Variants in DAB2IP observed in about 807,000 individuals in gnomAD.
DAB2IP encodes the protein disabled homolog 2-interacting protein.
A neutral mutation model predicts 107.2 loss-of-function variants in DAB2IP; 28 were observed. That is an observed-to-expected ratio of 0.26 (90% CI 0.19 to 0.36). DAB2IP has a LOEUF of 0.36. Ranked by LOEUF, DAB2IP falls within the 10% of genes least tolerant of loss-of-function variation. The pLI is 1.00. For missense variants in DAB2IP, 1,400 were observed against 1,644.7 expected, an observed-to-expected ratio of 0.85 and a Z score of 2.57; for synonymous variants, 755 against 706.4, an observed-to-expected ratio of 1.07 and a Z score of -1.09.
rs540187385 is a variant in DAB2IP at position 121,764,165 on chromosome 9, G to A, written c.1460+286G>A. The stretch of plus-strand genomic sequence containing the variant: ...GGTGCTTGGGCTGCAGCGGGAGTGA[G>A]ACTGGCAGGCCCTGTGTGGGCCCCC... On this transcript the variant is annotated intron_variant, in intron 8 of 15. Transcript: ENST00000408936. Among the ~76,000 whole-genome samples the A allele has an allele frequency of 3.3e-5, 5 of 152,350 alleles. No homozygotes were observed. In the South Asian group the frequency reaches 8.3e-4, roughly 25 times the overall value.
chr9:121,752,281 G>A (rs952190998), intron 3 of DAB2IP, among the ~76,000 whole-genome samples: 2 of 148,746 alleles, frequency 1.3e-5, no homozygotes, highest in African/African-American at 5.2e-5. Flanking sequence ...GAACAACCAC[G>A]TCACCAGGGT....
intron 2 of DAB2IP, among the ~76,000 whole-genome samples, chr9:121,695,554 A>T (rs1289163926): frequency 1.3e-5 from 2 of 152,200 alleles, no homozygotes; most frequent in Non-Finnish European, 2.9e-5. Flanking sequence ...AAGCGATGTG[A>T]GGGGGCTAGA....
intron 1 of DAB2IP, among the ~76,000 whole-genome samples, chr9:121,613,843 A>G (rs1831174388): frequency 6.6e-6 from 1 of 152,230 alleles, no homozygotes; most frequent in Non-Finnish European, 1.5e-5. Flanking sequence ...AATTCTGTCC[A>G]ATGGCATACA....
In DAB2IP at chr9:121,673,303, C is replaced by T. The variant is rs190965137; in HGVS notation, c.125-5375C>T. 3.4e-3 allele frequency among the ~76,000 whole-genome samples: 514 copies of T among 152,246 alleles called. 3 individuals are homozygous for T. The highest frequency in any genetic ancestry group is 4.0e-3 in the Non-Finnish European group (271 of 68,030). ...GTTTGGGGGCAGTTTAAGGGACTTTCGGCATATACTCTTGCTTCTTCCCTG... is the reference window on the plus strand; with the variant it reads ...GTTTGGGGGCAGTTTAAGGGACTTTTGGCATATACTCTTGCTTCTTCCCTG... On this transcript the variant is annotated intron_variant, in intron 1 of 15. Coordinates refer to ENST00000408936, the Ensembl canonical transcript of DAB2IP.
intron 3 of DAB2IP, among the ~76,000 whole-genome samples, chr9:121,714,707 A>C (rs1451683708): frequency 6.6e-6 from 1 of 152,242 alleles, no homozygotes. Flanking sequence ...AGTGGAGGAC[A>C]CAGGCTGAAG....
At position 121,599,196 on chromosome 9, in the gene DAB2IP, T is replaced by C. The variant is rs189427083; in HGVS notation, c.40+31968T>C. Among the ~76,000 whole-genome samples, 108 of 152,208 alleles carry C rather than the reference T, an allele frequency of 7.1e-4. 2 individuals carry two copies. In the East Asian group the frequency reaches 0.017, roughly 24 times the overall value. On this transcript the variant is annotated intron_variant, in intron 1 of 16. Coordinates refer to the DAB2IP transcript ENST00000259371. The surrounding 1 kb of genome is among the most constrained non-coding windows in gnomAD (Gnocchi z 6.9). ...TAAGTAAAGCAAAGTCGCGGCCCAC[T>C]CCTCGGTCCCGTACCCTCATAGCGC...
intron 2 of DAB2IP, among the ~76,000 whole-genome samples, chr9:121,692,399 G>A (rs747847771): frequency 9.9e-5 from 15 of 152,120 alleles, no homozygotes; most frequent in Non-Finnish European, 1.8e-4. Context: ...GTGTGCATTT[G>A]TATGCATGCC....
At chr9:121,597,026 T>A (rs1056833019) in intron 1 of DAB2IP, among the ~76,000 whole-genome samples, 4 of 152,240 alleles carry the variant, frequency 2.6e-5, no homozygotes, top group African/African-American at 9.6e-5. Context: ...ATGTTTCTTT[T>A]TCTGTGAATT....
chr9:121,769,494 T>C (rs1329298233), intron 10 of DAB2IP, among the ~76,000 whole-genome samples: 1 of 152,296 alleles, frequency 6.6e-6, no homozygotes, highest in East Asian at 1.9e-4. Flanking sequence ...GTCAGTGCAA[T>C]CTCCACCACC....
chr9:121,644,487 C>T (rs1832469960), intron 1 of DAB2IP, among the ~76,000 whole-genome samples: 1 of 152,028 alleles, frequency 6.6e-6, no homozygotes, highest in African/African-American at 2.4e-5. Flanking sequence ...ATCCCAGTTA[C>T]TCAAGAGGCT....
chr9:121,709,855 C>G (rs937239413), intron 3 of DAB2IP, among the ~76,000 whole-genome samples: 4 of 152,184 alleles, frequency 2.6e-5, no homozygotes, highest in Non-Finnish European at 4.4e-5. Context: ...GGATTAGCCT[C>G]AGGTTACCTT....
rs1564163475 is a variant in DAB2IP, at chr9:121,698,393, C to T, written c.229-932C>T. ...TGACCTGTGTGTATTGAACGCCTGT[C>T]TCCTCTGTCTCTGCCATTAGACCAG... On this transcript the variant is annotated intron_variant, in intron 2 of 15. Transcript: ENST00000408936. This position sits in a 1 kb window ranked among gnomAD's most constrained non-coding sequence, Gnocchi z 4.1. Among the ~76,000 whole-genome samples the T allele has an allele frequency of 6.6e-6, 1 of 152,328 alleles. No individual in the cohort carries two copies. The highest frequency in any genetic ancestry group is 1.9e-4 in the East Asian group (1 of 5,180).
intron 1 of DAB2IP, among the ~76,000 whole-genome samples, chr9:121,620,485 G>A (rs1831423822): frequency 6.6e-6 from 1 of 152,204 alleles, no homozygotes; most frequent in Non-Finnish European, 1.5e-5. Flanking sequence ...ATTCCCATCT[G>A]TAAAATGGGA....
chr9:121,704,260 C>A (rs1829942183), intron 3 of DAB2IP, among the ~76,000 whole-genome samples: 1 of 152,154 alleles, frequency 6.6e-6, no homozygotes, highest in Non-Finnish European at 1.5e-5. Context: ...CACCAAAATC[C>A]TGTAATAATT....
chr9:121,655,128 C>T (rs984489618), intron 1 of DAB2IP, among the ~76,000 whole-genome samples: 6 of 151,836 alleles, frequency 4.0e-5, no homozygotes, highest in African/African-American at 7.3e-5. Context: ...GGGTAGAGCA[C>T]GAAGCTGGAG....
At chr9:121,602,277 C>A (rs1015000141) in intron 1 of DAB2IP, among the ~76,000 whole-genome samples, 21 of 152,176 alleles carry the variant, frequency 1.4e-4, no homozygotes, top group Non-Finnish European at 2.9e-4. Flanking sequence ...CTGACGGGAG[C>A]CCTGGTGAAG....
intron 1 of DAB2IP, among the ~76,000 whole-genome samples, chr9:121,623,962 T>C (rs1425221176): frequency 6.6e-6 from 1 of 152,244 alleles, no homozygotes. Context: ...TTTGCCTCCA[T>C]GTTTGTACAT....
intron 3 of DAB2IP, among the ~76,000 whole-genome samples, chr9:121,724,656 C>A (rs1004462669): frequency 6.6e-6 from 1 of 152,206 alleles, no homozygotes; most frequent in Non-Finnish European, 1.5e-5. Context: ...TTTAATTGTA[C>A]CCCATAATGT....
In DAB2IP at chr9:121,633,354, CA is replaced by C. The variant is rs1478040599; in HGVS notation, c.41-45323del. Among the ~76,000 whole-genome samples the C allele has an allele frequency of 6.6e-6, 1 of 152,088 alleles. No individual in the cohort carries two copies. The highest frequency in any genetic ancestry group is 1.5e-5 in the Non-Finnish European group (1 of 68,024). ...GGGCCTTGTTCTCTCTTGTCAGAGCCAGGGGTTGTGTCTTTGCCCACTGACC... is the reference window on the plus strand; with the variant it reads ...GGGCCTTGTTCTCTCTTGTCAGAGCCGGGGTTGTGTCTTTGCCCACTGACC... On this transcript the variant is annotated intron_variant, in intron 1 of 16. Transcript: ENST00000259371. This position sits in a 1 kb window ranked among gnomAD's most constrained non-coding sequence, Gnocchi z 5.1.
Sources: gnomAD v4.1 joint callset for allele counts (sites outside exome capture counted in the v4.1 genomes callset) on GRCh38, gnomAD v4.1.1 for gene constraint, Gnocchi (gnomAD v3.1) non-coding constraint, MANE v1.5 for transcripts, NCBI Gene and HGNC (gene_info 2026-07-23, HGNC 2026-07-21) for gene names.